Variants in ESRRG observed in about 807,000 individuals in gnomAD.
ESRRG encodes estrogen related receptor gamma, also known as estrogen-related receptor gamma.
A neutral mutation model predicts 44.0 loss-of-function variants in ESRRG; 13 were observed. The ratio of observed to expected loss-of-function variants is 0.30; its 90% CI spans 0.19 to 0.47. ESRRG has a LOEUF of 0.47. Among genes scored for constraint, ESRRG ranks in the 20% least tolerant of loss-of-function variants. The pLI is 1.00. For missense variants in ESRRG, 395 were observed against 580.6 expected, an observed-to-expected ratio of 0.68 and a Z score of 3.29; for synonymous variants, 215 against 214.6, an observed-to-expected ratio of 1.00 and a Z score of -0.02.
chr1:216,517,736 T>C (rs1168644603), intron 6 of ESRRG, among the ~76,000 whole-genome samples: 1 of 152,142 alleles, frequency 6.6e-6, no homozygotes, highest in Non-Finnish European at 1.5e-5. Context: ...ACTTTGATCT[T>C]CTGGAGAGGG....
chr1:216,734,203 T>C (rs1371217242), intron 2 of ESRRG, among the ~76,000 whole-genome samples: 2 of 152,182 alleles, frequency 1.3e-5, no homozygotes, highest in Non-Finnish European at 2.9e-5. Context: ...GCACTGTGCC[T>C]AGCACTGATA....
intron 2 of ESRRG, among the ~76,000 whole-genome samples, chr1:216,809,064 G>C (rs774185893): frequency 1.3e-5 from 2 of 152,016 alleles, no homozygotes; most frequent in Non-Finnish European, 2.9e-5. Flanking sequence ...AGGGTGCTAC[G>C]CTAAATTTTT....
At chr1:216,856,908 T>C (rs1283804839) in intron 2 of ESRRG, among the ~76,000 whole-genome samples, 1 of 152,204 alleles carries the variant, frequency 6.6e-6, no homozygotes, top group Non-Finnish European at 1.5e-5. Flanking sequence ...TCAATTACTA[T>C]GTCTTTTTTT....
intron 2 of ESRRG, among the ~76,000 whole-genome samples, chr1:216,808,910 A>T (rs749260889): frequency 6.6e-6 from 1 of 151,740 alleles, no homozygotes; most frequent in Non-Finnish European, 1.5e-5. Context: ...TTTTCCTCCT[A>T]TTTTTTTCTT....
intron 1 of ESRRG, among the ~76,000 whole-genome samples, chr1:217,065,036 G>C (rs1421372071): frequency 1.3e-5 from 2 of 152,086 alleles, no homozygotes; most frequent in Non-Finnish European, 2.9e-5. Flanking sequence ...CCAGGCTTGG[G>C]GACTCTATAG....
chr1:216,855,469 T>C (rs1306454113), intron 2 of ESRRG, among the ~76,000 whole-genome samples: 2 of 152,108 alleles, frequency 1.3e-5, no homozygotes, highest in African/African-American at 4.8e-5. Flanking sequence ...TAAGAAAAGT[T>C]CAACTCTGAC....
intron 3 of ESRRG, among the ~76,000 whole-genome samples, chr1:216,630,445 AACACACACACAC>A (rs59403765): frequency 0.028 from 4,102 of 146,434 alleles, 188 homozygotes; most frequent in African/African-American, 0.1. Flanking sequence ...TGTGCGTGTG[AACACACACACAC>A]ACACACACAC....
chr1:216,776,594 T>C (rs6658214), intron 2 of ESRRG, among the ~76,000 whole-genome samples: 100,327 of 151,932 alleles, frequency 0.66, 33,173 homozygotes, highest in Middle Eastern at 0.79. Flanking sequence ...TGCTAAATGG[T>C]TACATCTAAA....
At chr1:216,843,291 T>C (rs1342539316) in intron 2 of ESRRG, among the ~76,000 whole-genome samples, 1 of 152,076 alleles carries the variant, frequency 6.6e-6, no homozygotes, top group Non-Finnish European at 1.5e-5. Context: ...GTTTCAAGAT[T>C]GTGATTTTAT....
chr1:216,781,190 C>A (rs1017659224), intron 2 of ESRRG, among the ~76,000 whole-genome samples: 1 of 151,840 alleles, frequency 6.6e-6, no homozygotes, highest in Non-Finnish European at 1.5e-5. Context: ...ACAACATATT[C>A]ATGTTTTCAC....
chr1:216,800,697 C>A (rs776392488), intron 2 of ESRRG, among the ~76,000 whole-genome samples: 1 of 152,112 alleles, frequency 6.6e-6, no homozygotes, highest in Non-Finnish European at 1.5e-5. Context: ...ACTGCATATG[C>A]TCATAAAATT....
At chr1:216,864,742 G>A (rs2096119070) in intron 2 of ESRRG, 2 of 152,110 alleles carry the variant, frequency 1.3e-5, no homozygotes, top group Admixed American at 1.3e-4. Flanking sequence ...AACTTAAGAA[G>A]GAGGCATCTG....
intron 2 of ESRRG, among the ~76,000 whole-genome samples, chr1:216,834,009 T>C (rs1559807720): frequency 1.3e-5 from 2 of 152,186 alleles, no homozygotes; most frequent in Non-Finnish European, 1.5e-5. Flanking sequence ...GGGGACACCA[T>C]GGTTCAAACA....
chr1:216,519,800 A>G (rs1175861919), intron 5 of ESRRG, among the ~76,000 whole-genome samples: 2 of 144,240 alleles, frequency 1.4e-5, no homozygotes, highest in Non-Finnish European at 3.0e-5. Context: ...TACTATTGGT[A>G]AACAACATAA....
At chr1:216,656,083 A>T (rs2070458951) in intron 2 of ESRRG, among the ~76,000 whole-genome samples, 1 of 152,194 alleles carries the variant, frequency 6.6e-6, no homozygotes, top group South Asian at 2.1e-4. Flanking sequence ...TGGAAACTAG[A>T]CGAAAATATT....
intron 2 of ESRRG, among the ~76,000 whole-genome samples, chr1:216,830,347 G>C (rs1413791176): frequency 6.6e-6 from 1 of 152,132 alleles, no homozygotes; most frequent in Non-Finnish European, 1.5e-5. Flanking sequence ...TCCATAACTG[G>C]GGGGTGCTCA....
At chr1:216,826,452 A>T (rs920145285) in intron 2 of ESRRG, among the ~76,000 whole-genome samples, 1 of 152,142 alleles carries the variant, frequency 6.6e-6, no homozygotes, top group Non-Finnish European at 1.5e-5. Flanking sequence ...TTACAACCCA[A>T]CTCAGAAGTC....
intron 2 of ESRRG, among the ~76,000 whole-genome samples, chr1:216,795,417 C>T (rs1318276383): frequency 7.1e-6 from 1 of 141,282 alleles, no homozygotes; most frequent in African/African-American, 2.6e-5. Context: ...GATCCTGGCT[C>T]ACTGCAACAG....
intron 1 of ESRRG, among the ~76,000 whole-genome samples, chr1:216,988,279 C>A (rs2075180813): frequency 6.6e-6 from 1 of 152,202 alleles, no homozygotes; most frequent in African/African-American, 2.4e-5. Context: ...CTGAATGTGA[C>A]ATTTGAGGGT....
Sources: gnomAD v4.1 joint callset for allele counts (sites outside exome capture counted in the v4.1 genomes callset) on GRCh38, gnomAD v4.1.1 for gene constraint, MANE v1.5 for transcripts, NCBI Gene and HGNC (gene_info 2026-07-23, HGNC 2026-07-21) for gene names.